Variants in DUS2 observed in about 807,000 individuals in gnomAD.
The protein encoded by DUS2 is tRNA-dihydrouridine(20) synthase [NAD(P)+]-like.
A neutral mutation model predicts 71.3 loss-of-function variants in DUS2; 52 were observed. The ratio of observed to expected loss-of-function variants is 0.73; its 90% CI spans 0.58 to 0.92. DUS2 has a LOEUF of 0.92. DUS2 is among the 40% of genes least tolerant of loss of function. The pLI, the probability that DUS2 is intolerant of heterozygous loss-of-function variation, is 0.00. For synonymous variants in DUS2, 204 were observed against 227.8 expected, an observed-to-expected ratio of 0.90 and a Z score of 0.94; for missense variants, 558 against 622.6, an observed-to-expected ratio of 0.90 and a Z score of 1.10.
At chr16:68,078,155 T>G in intron 15 of DUS2, 1 of 419,462 alleles carries the variant, frequency 2.4e-6, no homozygotes, top group East Asian at 4.5e-5. Context: ...ACTCCTCATT[T>G]TGGGGACCTG....
chr16:68,079,228 G>C lies in DUS2; in HGVS notation c.*242G>C, dbSNP rs1040613276. 2.4e-6 allele frequency: 1 copy of C among 415,186 alleles called. No individual in the cohort carries two copies. The highest frequency in any genetic ancestry group is 2.0e-5 in the African/African-American group (1 of 49,416). 25.7% of individuals were successfully genotyped at this position (415,186 alleles called of 1,614,324 possible). On this transcript the variant is annotated 3_prime_UTR_variant, in exon 17 of 17. Transcript: ENST00000565263. The stretch of plus-strand genomic sequence containing the variant: ...TTTGAAAACAGGAGCTTTTCAGGTG[G>C]TAACTCCCCAACCTGACATTGGTAC...
chr16:68,059,717 A>G (rs1298978910), intron 7 of DUS2, among the ~76,000 whole-genome samples: 1 of 152,290 alleles, frequency 6.6e-6, no homozygotes, highest in Admixed American at 6.5e-5. Context: ...ATTCATTAGT[A>G]TGTAATCTTT....
At chr16:68,072,638 C>T (rs1006456247) in intron 12 of DUS2, among the ~76,000 whole-genome samples, 8 of 151,556 alleles carry the variant, frequency 5.3e-5, no homozygotes, top group African/African-American at 1.9e-4. Context: ...TTGTCCTGAG[C>T]GTGCCGTGGC....
chr16:68,026,545 T>C (rs2033353368), intron 2 of DUS2, among the ~76,000 whole-genome samples: 1 of 152,106 alleles, frequency 6.6e-6, no homozygotes, highest in Non-Finnish European at 1.5e-5. Flanking sequence ...CTTTGTTTTT[T>C]ACCCTCTGGT....
intron 13 of DUS2, 59 bp downstream of exon 13, chr16:68,074,214 G>C (rs906180358): frequency 1.2e-6 from 2 of 1,605,320 alleles, no homozygotes; most frequent in African/African-American, 1.3e-5. Context: ...GTTTGACTTT[G>C]AGCCCTAAGC....
intron 12 of DUS2, 108 bp from the exon 13 acceptor site, chr16:68,073,926 C>A: frequency 7.0e-7 from 1 of 1,418,828 alleles, no homozygotes; most frequent in Non-Finnish European, 9.7e-7. Context: ...ATTGCCTTGG[C>A]TACACATACA....
At chr16:68,044,978 A>G (rs1467867104) in intron 3 of DUS2, among the ~76,000 whole-genome samples, 1 of 151,686 alleles carries the variant, frequency 6.6e-6, no homozygotes, top group African/African-American at 2.4e-5. Flanking sequence ...TTTTTAATAG[A>G]AATGGGGTTT....
At chr16:68,074,853 G>T (rs2034135613) in intron 13 of DUS2, among the ~76,000 whole-genome samples, 1 of 152,136 alleles carries the variant, frequency 6.6e-6, no homozygotes, top group Non-Finnish European at 1.5e-5. Context: ...TCCCACCCTT[G>T]GCTTATGGCA....
chr16:68,042,966 C>T (rs1245850416), intron 3 of DUS2, among the ~76,000 whole-genome samples: 2 of 152,150 alleles, frequency 1.3e-5, no homozygotes, highest in Non-Finnish European at 2.9e-5. Flanking sequence ...CCTCAGCCTC[C>T]CAAAGTGCTG....
chr16:68,030,615 A>G (rs2033423323), intron 2 of DUS2, among the ~76,000 whole-genome samples: 1 of 151,698 alleles, frequency 6.6e-6, no homozygotes, highest in Non-Finnish European at 1.5e-5. Flanking sequence ...TAAATAAATA[A>G]AAACCCACTA....
rs1230966019 is a variant in DUS2 at position 68,070,238 on chromosome 16, A to G, written c.641+18A>G. On this transcript the variant is annotated intron_variant, in intron 11 of 16. Transcript: ENST00000565263. ...ATAGCCAAGTAAGCCTCCTGTCTTC[A>G]TCATGTACTCTGTGTCCCACAGAGC... The G allele has an allele frequency of 6.2e-7, 1 of 1,610,252 alleles. No individual in the cohort carries two copies.
chr16:68,038,832 T>A (rs965200966), intron 3 of DUS2, among the ~76,000 whole-genome samples: 8 of 151,644 alleles, frequency 5.3e-5, no homozygotes, highest in African/African-American at 1.9e-4. Context: ...GAGGATCACT[T>A]GAGCCTAGGA....
chr16:68,054,266 A>G (rs150826433), intron 5 of DUS2, among the ~76,000 whole-genome samples: 18 of 152,308 alleles, frequency 1.2e-4, no homozygotes, highest in Non-Finnish European at 1.9e-4. Context: ...GATAAAGCAA[A>G]TCTAGCAAAA....
intron 13 of DUS2, among the ~76,000 whole-genome samples, chr16:68,074,521 C>A (rs2034131363): frequency 6.6e-6 from 1 of 152,220 alleles, no homozygotes; most frequent in African/African-American, 2.4e-5. Flanking sequence ...CATCACCCTG[C>A]AGTTTGAGAG....
chr16:68,029,031 G>A (rs1384836599), intron 2 of DUS2, among the ~76,000 whole-genome samples: 2 of 151,970 alleles, frequency 1.3e-5, no homozygotes, highest in African/African-American at 4.8e-5. Flanking sequence ...AGACTGTATC[G>A]CTACAGAAAA....
intron 6 of DUS2, among the ~76,000 whole-genome samples, chr16:68,056,070 C>A (rs995105366): frequency 6.6e-6 from 1 of 152,016 alleles, no homozygotes; most frequent in Non-Finnish European, 1.5e-5. Context: ...TCAGTGTGCC[C>A]ATCTGAGTTA....
At chr16:68,072,789 G>A (rs1013598742) in intron 12 of DUS2, among the ~76,000 whole-genome samples, 2 of 152,200 alleles carry the variant, frequency 1.3e-5, no homozygotes, top group Admixed American at 6.5e-5. Context: ...CTAGCCAGCC[G>A]ACTTCCACTG....
rs774428625 is a variant in DUS2 at position 68,078,882 on chromosome 16, C to T, written c.1378C>T (p.Pro460Ser). 3 of 1,613,640 alleles carry T rather than the reference C, an allele frequency of 1.9e-6. 1 individual carries two copies. Among genetic ancestry groups the T allele is most frequent in the East Asian group, 2.2e-5 (1 of 44,864 alleles). Residue 460 changes from proline to serine, a missense_variant, in exon 17 of 17, where the codon CCT becomes TCT. Pro to Ser is a moderately conservative substitution (Grantham distance 74). Transcript: ENST00000565263. Reference sequence around the variant, plus strand: ...AAAGAGGGAGGCTCCTGACCAAGACCCTGGGGGCCCCAGAGCTCAGGAGCT... The same window carrying T: ...AAAGAGGGAGGCTCCTGACCAAGACTCTGGGGGCCCCAGAGCTCAGGAGCT... Reference protein sequence around the residue: ...KRKREAPDQDPGGPRAQELAQ... With the variant: ...KRKREAPDQDSGGPRAQELAQ...
At chr16:68,037,883 C>A in intron 2 of DUS2, 123 bp from the exon 3 acceptor site, 1 of 1,029,296 alleles carries the variant, frequency 9.7e-7, no homozygotes. Flanking sequence ...ACATAAACAA[C>A]CAACCAAAAG....
Sources: allele counts gnomAD v4.1 joint callset (sites outside exome capture counted in the v4.1 genomes callset), GRCh38; gene constraint gnomAD v4.1.1; transcripts MANE v1.5; gene names NCBI Gene and HGNC (gene_info 2026-07-23, HGNC 2026-07-21).